KSR1: variants seen among roughly 807,000 people sequenced by gnomAD.
The protein encoded by KSR1 is kinase suppressor of ras 1, also known as kinase suppressor of ras.
A neutral mutation model predicts 92.9 loss-of-function variants in KSR1; 35 were observed. That is an observed-to-expected ratio of 0.38 (90% CI 0.29 to 0.50). The LOEUF is 0.50. Among genes scored for constraint, KSR1 ranks in the 20% least tolerant of loss-of-function variants. The probability of loss-of-function intolerance (pLI) is 0.94; values close to 1 mark genes in which losing one functional copy is unlikely to be tolerated. For missense variants in KSR1, 972 were observed against 1,158.5 expected, an observed-to-expected ratio of 0.84 and a Z score of 2.34; for synonymous variants, 467 against 472.6, an observed-to-expected ratio of 0.99 and a Z score of 0.15.
chr17:27,544,890 A>C (rs375330705), intron 1 of KSR1, among the ~76,000 whole-genome samples: 2 of 152,250 alleles, frequency 1.3e-5, no homozygotes, highest in Admixed American at 1.3e-4. Context: ...AAGTGAGAGC[A>C]GCTTCATTTC....
At chr17:27,523,378 G>C (rs1465822931) in intron 1 of KSR1, among the ~76,000 whole-genome samples, 4 of 113,210 alleles carry the variant, frequency 3.5e-5, no homozygotes, top group Admixed American at 2.8e-4. Flanking sequence ...TACCATTTCT[G>C]TAAGGTTAAA....
intron 7 of KSR1, among the ~76,000 whole-genome samples, chr17:27,591,896 C>T (rs940660406): frequency 2.6e-5 from 4 of 152,222 alleles, no homozygotes; most frequent in Non-Finnish European, 1.5e-5. Flanking sequence ...AATCCTGGCC[C>T]GGGGCTGACC....
chr17:27,615,112 A>G (rs776433659), intron 18 of KSR1, among the ~76,000 whole-genome samples: 1 of 152,222 alleles, frequency 6.6e-6, no homozygotes, highest in Non-Finnish European at 1.5e-5. Context: ...AATGAAAACC[A>G]GCAGTCCCTC....
chr17:27,609,077 G>C, intron 15 of KSR1, 119 bp from the exon 16 acceptor site: 1 of 1,185,636 alleles, frequency 8.4e-7, no homozygotes, highest in Non-Finnish European at 1.2e-6. Context: ...TGTAAAATGG[G>C]GACAATATAC....
At chr17:27,479,387 T>G (rs2068446644) in intron 1 of KSR1, among the ~76,000 whole-genome samples, 1 of 152,154 alleles carries the variant, frequency 6.6e-6, no homozygotes, top group African/African-American at 2.4e-5. Context: ...ATAACCCACA[T>G]CAATAAGGCG....
chr17:27,477,282 C>G (rs1433147608), intron 1 of KSR1, among the ~76,000 whole-genome samples: 1 of 152,178 alleles, frequency 6.6e-6, no homozygotes, highest in Non-Finnish European at 1.5e-5. Context: ...AGTGCCTAAC[C>G]ATCTGGGAAT....
Position 27,472,435 on chromosome 17 carries a change from G to A in KSR1, c.231+15561G>A, listed in dbSNP as rs115738100. On this transcript the variant is annotated intron_variant, in intron 1 of 20. Transcript: ENST00000644974. Reference sequence around the variant, plus strand: ...CTCATAAGCCCCGGGGGGCTCTGATGTCATTGAATTAGGGGCCTCCTTTGA... The same window carrying A: ...CTCATAAGCCCCGGGGGGCTCTGATATCATTGAATTAGGGGCCTCCTTTGA... 7.5e-3 allele frequency among the ~76,000 whole-genome samples: 1,141 copies of A among 152,342 alleles called. 8 individuals are homozygous for A. Among genetic ancestry groups the A allele is most frequent in the African/African-American group, 0.011 (441 of 41,578 alleles).
In KSR1 at chr17:27,590,911, T is replaced by C. The variant is rs772091450; in HGVS notation, c.1130+17T>C. ...GCATTGCAGGTGATGGGAAGAGGAG[T>C]GGGGGTGGGGGGAGCAGACACTTTT... On this transcript the variant is annotated intron_variant, in intron 7 of 20. Transcript: ENST00000644974. 1.6e-5 allele frequency: 26 copies of C among 1,577,214 alleles called. No homozygotes were observed. Among genetic ancestry groups the C allele is most frequent in the East Asian group, 2.3e-5 (1 of 43,524 alleles).
intron 1 of KSR1, among the ~76,000 whole-genome samples, chr17:27,513,390 A>T (rs1325458717): frequency 6.6e-6 from 1 of 152,128 alleles, no homozygotes; most frequent in Non-Finnish European, 1.5e-5. Flanking sequence ...CAGGAGTTCA[A>T]GACCAGCCTG....
intron 1 of KSR1, among the ~76,000 whole-genome samples, chr17:27,502,343 C>G (rs1434098527): frequency 1.3e-5 from 2 of 152,212 alleles, no homozygotes; most frequent in Non-Finnish European, 2.9e-5. Context: ...CAAGAGGAAT[C>G]CCCCAGTGGG....
intron 1 of KSR1, among the ~76,000 whole-genome samples, chr17:27,542,448 A>G (rs934109581): frequency 2.6e-5 from 4 of 152,198 alleles, no homozygotes; most frequent in Non-Finnish European, 4.4e-5. Flanking sequence ...GTGGCAGCCA[A>G]CGACCAAAGT....
chr17:27,557,271 C>G (rs2071635919), intron 2 of KSR1, among the ~76,000 whole-genome samples: 1 of 152,222 alleles, frequency 6.6e-6, no homozygotes, highest in African/African-American at 2.4e-5. Flanking sequence ...GATTGGCACC[C>G]TGAAGGAATG....
At chr17:27,590,790 G>A (rs750622508) in intron 6 of KSR1, 21 bp from the exon 7 acceptor site, 3 of 1,601,482 alleles carry the variant, frequency 1.9e-6, no homozygotes, top group Non-Finnish European at 1.7e-6. Flanking sequence ...GCAAACATGT[G>A]CCTGTGTCCG....
intron 1 of KSR1, among the ~76,000 whole-genome samples, chr17:27,475,591 C>T (rs879665555): frequency 6.6e-6 from 1 of 152,156 alleles, no homozygotes; most frequent in African/African-American, 2.4e-5. Context: ...GGCACCTGCC[C>T]GGTATTACTC....
chr17:27,469,638 A>G (rs1567739182), intron 1 of KSR1, among the ~76,000 whole-genome samples: 1 of 152,228 alleles, frequency 6.6e-6, no homozygotes, highest in Non-Finnish European at 1.5e-5. Flanking sequence ...TTGAGAACCA[A>G]GATACAGAAG....
rs533114340 is a variant in KSR1 at position 27,468,691 on chromosome 17, T to C, written c.231+11817T>C. ...CTCAGCAGGCTGGGAGGAATCTCTG[T>C]GTTTTCCTATGAAAAGGCAGTTTTG... On this transcript the variant is annotated intron_variant, in intron 1 of 20. Coordinates refer to ENST00000644974, the MANE Select transcript of KSR1 (RefSeq NM_001394583.1). 4.6e-5 allele frequency among the ~76,000 whole-genome samples: 7 copies of C among 152,362 alleles called. No homozygotes were observed. The South Asian group carries it at 1.4e-3, about 32-fold the overall frequency.
intron 10 of KSR1, among the ~76,000 whole-genome samples, chr17:27,599,537 A>G (rs2073471049): frequency 6.6e-6 from 1 of 152,246 alleles, no homozygotes; most frequent in African/African-American, 2.4e-5. Context: ...AGCCTGGGTG[A>G]CAGAGCAAGA....
At chr17:27,481,829 C>T (rs2150944424) in intron 1 of KSR1, among the ~76,000 whole-genome samples, 1 of 152,326 alleles carries the variant, frequency 6.6e-6, no homozygotes, top group Middle Eastern at 3.4e-3. Context: ...ACTGTCCCTT[C>T]TCCTGAGTCT....
intron 1 of KSR1, among the ~76,000 whole-genome samples, chr17:27,487,081 T>C (rs188257813): frequency 1.1e-3 from 169 of 152,326 alleles, no homozygotes; most frequent in African/African-American, 3.8e-3. Flanking sequence ...TCCCTTATAC[T>C]GTGTTAGTCC....
Sources: allele counts gnomAD v4.1 joint callset (sites outside exome capture counted in the v4.1 genomes callset), GRCh38; gene constraint gnomAD v4.1.1; transcripts MANE v1.5; gene names NCBI Gene and HGNC (gene_info 2026-07-23, HGNC 2026-07-21).